ADGRL4: variants seen among roughly 807,000 people sequenced by gnomAD.
ADGRL4 encodes the protein adhesion G protein-coupled receptor L4.
A neutral mutation model predicts 74.8 loss-of-function variants in ADGRL4; 90 were observed. The ratio of observed to expected loss-of-function variants is 1.20; its 90% CI spans 1.02 to 1.43. The LOEUF (loss-of-function observed/expected upper bound fraction) is 1.43, where lower values mean the gene tolerates loss of function less well. Ranked by LOEUF, ADGRL4 falls within the 40% of genes most tolerant of loss-of-function variation. ADGRL4 has a pLI of 0.00. For missense variants in ADGRL4, 881 were observed against 814.3 expected, an observed-to-expected ratio of 1.08 and a Z score of -1.00; for synonymous variants, 311 against 279.2, an observed-to-expected ratio of 1.11 and a Z score of -1.14.
rs1649423897 is a variant in ADGRL4 at position 78,939,191 on chromosome 1, T to C, written c.393A>G (p.Thr131=). The change falls in exon 4 of 15, where the codon ACA becomes ACG. Residue 131 remains threonine (T), a synonymous_variant. Transcript: ENST00000370742. ...CIAANINKTL[T]KIRSIKEPVA... ...AATTGTTAACTGTTCTACTTACTTT[T>C]GTTAAAGTTTTATTAATATTTGCAG... 1.3e-6 allele frequency: 2 copies of C among 1,561,960 alleles called. No homozygotes were observed. The highest frequency in any genetic ancestry group is 1.4e-5 in the African/African-American group (1 of 72,410).
At chr1:78,978,236 T>C (rs898962091) in intron 2 of ADGRL4, among the ~76,000 whole-genome samples, 5 of 152,084 alleles carry the variant, frequency 3.3e-5, no homozygotes, top group African/African-American at 1.2e-4. Context: ...TATGTGCCTA[T>C]TGTCATGTCC....
intron 7 of ADGRL4, among the ~76,000 whole-genome samples, chr1:78,931,514 CG>C (rs1649241610): frequency 6.6e-6 from 1 of 151,078 alleles, no homozygotes; most frequent in Non-Finnish European, 1.5e-5. Context: ...ATGAAGAAAC[CG>C]CAGCAACTAG....
intron 12 of ADGRL4, among the ~76,000 whole-genome samples, chr1:78,901,041 CTTATCT>C (rs1185867769): frequency 2.0e-5 from 3 of 151,764 alleles, no homozygotes; most frequent in Admixed American, 6.6e-5. Context: ...CTGTAAAATT[CTTATCT>C]TTATAGGTCC....
At chr1:78,914,403 T>A (rs550075744) in intron 12 of ADGRL4, among the ~76,000 whole-genome samples, 1 of 152,022 alleles carries the variant, frequency 6.6e-6, no homozygotes, top group South Asian at 2.1e-4. Context: ...GAGCACCCAA[T>A]TAACACGGTG....
At chr1:78,891,354 A>G (rs1272770466) in intron 14 of ADGRL4, 138 bp from the exon 15 acceptor site, 1 of 1,213,384 alleles carries the variant, frequency 8.2e-7, no homozygotes, top group Non-Finnish European at 1.1e-6. Context: ...AGTTATATTT[A>G]TATCCCTAAT....
chr1:78,997,153 G>A (rs367974146), intron 2 of ADGRL4, among the ~76,000 whole-genome samples: 2 of 148,428 alleles, frequency 1.3e-5, no homozygotes, highest in South Asian at 4.2e-4. Context: ...ATAAAAAAAG[G>A]TCTGGACCTA....
chr1:78,924,266 T>C (rs1333787776), intron 8 of ADGRL4, among the ~76,000 whole-genome samples: 1 of 151,994 alleles, frequency 6.6e-6, no homozygotes, highest in Non-Finnish European at 1.5e-5. Flanking sequence ...TAGAAAAATA[T>C]ATTTGTGTGT....
intron 2 of ADGRL4, among the ~76,000 whole-genome samples, chr1:78,973,812 T>C (rs1296619853): frequency 6.6e-6 from 1 of 152,008 alleles, no homozygotes; most frequent in Non-Finnish European, 1.5e-5. Flanking sequence ...GTTTCTTTTC[T>C]TATATACTCT....
intron 8 of ADGRL4, among the ~76,000 whole-genome samples, chr1:78,924,420 T>C (rs1649070822): frequency 6.6e-6 from 1 of 151,964 alleles, no homozygotes; most frequent in Admixed American, 6.6e-5. Context: ...AAGACATTGC[T>C]GGAGGAAACA....
chr1:78,897,532 G>C (rs2100652018), intron 12 of ADGRL4, among the ~76,000 whole-genome samples: 1 of 152,156 alleles, frequency 6.6e-6, no homozygotes, highest in South Asian at 2.1e-4. Flanking sequence ...CCTGATTTCA[G>C]AGTTGGGCCA....
chr1:78,921,766 A>G lies in ADGRL4; in HGVS notation c.1104T>C (p.Ser368=), dbSNP rs1190875740. 5 of 1,552,318 alleles carry G rather than the reference A, an allele frequency of 3.2e-6. No individual in the cohort carries two copies. The highest frequency in any genetic ancestry group is 2.0e-5 in the Admixed American group (1 of 49,196). ...GTGAGTAATTCCAAAATGCACATAG[A>G]CTCCTATACCTATCTGTGACCTGAA... ...SHRKVTDRYR[S]LCAFWNYSPD... Residue 368 remains serine, a synonymous_variant, in exon 9 of 15, where the codon AGT becomes AGC. Coordinates refer to ENST00000370742, the MANE Select transcript of ADGRL4 (RefSeq NM_022159.4).
At chr1:78,953,802 C>G (rs139330402) in intron 2 of ADGRL4, among the ~76,000 whole-genome samples, 20 of 152,234 alleles carry the variant, frequency 1.3e-4, no homozygotes, top group Admixed American at 7.2e-4. Flanking sequence ...ACACATAACA[C>G]AAGTGCTAAT....
intron 12 of ADGRL4, among the ~76,000 whole-genome samples, chr1:78,902,477 T>C (rs552622310): frequency 6.6e-6 from 1 of 152,072 alleles, no homozygotes; most frequent in South Asian, 2.1e-4. Context: ...AGAGGTCAAA[T>C]AACTTGCCCA....
Position 78,891,121 on chromosome 1 carries a change from T to C in ADGRL4, c.*33A>G, listed in dbSNP as rs1253256859. 1.9e-6 allele frequency: 3 copies of C among 1,603,046 alleles called. No individual in the cohort carries two copies. Among genetic ancestry groups the C allele is most frequent in the East Asian group, 2.2e-5 (1 of 44,634 alleles). The stretch of plus-strand genomic sequence containing the variant: ...ATCCACAGCTTGGAATTTTTATTTT[T>C]GTGCAGTTGTAATTATCCACCATTC... On this transcript the variant is annotated 3_prime_UTR_variant, in exon 15 of 15. Transcript: ENST00000370742.
intron 2 of ADGRL4, among the ~76,000 whole-genome samples, chr1:78,960,032 A>G (rs897541810): frequency 2.6e-5 from 4 of 152,232 alleles, no homozygotes; most frequent in African/African-American, 9.6e-5. Context: ...ATACTCATTA[A>G]CAATAGATAA....
At chr1:78,914,978 GTAT>G (rs1227429286) in intron 12 of ADGRL4, among the ~76,000 whole-genome samples, 1 of 151,910 alleles carries the variant, frequency 6.6e-6, no homozygotes, top group Non-Finnish European at 1.5e-5. Context: ...GGTGATCACA[GTAT>G]TTCATTTCCA....
chr1:78,955,441 T>C (rs1557511562), intron 2 of ADGRL4, among the ~76,000 whole-genome samples: 1 of 152,136 alleles, frequency 6.6e-6, no homozygotes, highest in African/African-American at 2.4e-5. Flanking sequence ...AGATTTTTTG[T>C]AATCATGTCT....
intron 2 of ADGRL4, among the ~76,000 whole-genome samples, chr1:78,991,473 T>C (rs1650606692): frequency 6.6e-6 from 1 of 152,020 alleles, no homozygotes. Flanking sequence ...ACTTAAGGTA[T>C]GGAGAATGCT....
intron 2 of ADGRL4, among the ~76,000 whole-genome samples, chr1:78,957,116 T>C (rs930840651): frequency 2.0e-5 from 3 of 152,164 alleles, no homozygotes; most frequent in Non-Finnish European, 2.9e-5. Context: ...GCAAACTTAA[T>C]TGATAAATGT....
Sources: gnomAD v4.1 joint callset for allele counts (sites outside exome capture counted in the v4.1 genomes callset) on GRCh38, gnomAD v4.1.1 for gene constraint, MANE v1.5 for transcripts, NCBI Gene and HGNC (gene_info 2026-07-23, HGNC 2026-07-21) for gene names.